The following UEVLD variants were observed in gnomAD, a reference collection of about 807,000 sequenced individuals.
UEVLD encodes the protein UEV and lactate/malate dehyrogenase domains, also known as ubiquitin-conjugating enzyme E2 variant 3.
Under a neutral mutation model 58.6 loss-of-function variants are expected in UEVLD, and 47 were observed. The ratio of observed to expected loss-of-function variants is 0.80; its 90% CI spans 0.63 to 1.02. The LOEUF (loss-of-function observed/expected upper bound fraction) is 1.02. UEVLD is among the 50% of genes least tolerant of loss of function. The pLI, the probability that UEVLD is intolerant of heterozygous loss-of-function variation, is 0.00. For synonymous variants in UEVLD, 197 were observed against 195.3 expected, an observed-to-expected ratio of 1.01 and a Z score of -0.07; for missense variants, 510 against 550.6, an observed-to-expected ratio of 0.93 and a Z score of 0.74.
At chr11:18,541,714 A>G (rs1051762026) in intron 9 of UEVLD, among the ~76,000 whole-genome samples, 5 of 152,204 alleles carry the variant, frequency 3.3e-5, no homozygotes, top group Non-Finnish European at 7.3e-5. Context: ...TGTGATCAGG[A>G]AAAAACCTTT....
At chr11:18,575,591 G>GAC (rs1852866448) in intron 2 of UEVLD, among the ~76,000 whole-genome samples, 179 bp from the exon 3 acceptor site, 1 of 152,154 alleles carries the variant, frequency 6.6e-6, no homozygotes, top group Non-Finnish European at 1.5e-5. Flanking sequence ...ACTAGATGTT[G>GAC]TTTACTTAGA....
At chr11:18,540,853 A>G (rs1160426622) in intron 9 of UEVLD, among the ~76,000 whole-genome samples, 1 of 152,214 alleles carries the variant, frequency 6.6e-6, no homozygotes, top group African/African-American at 2.4e-5. Flanking sequence ...AGTTTCCTAA[A>G]GACAGGGTCA....
intron 11 of UEVLD, among the ~76,000 whole-genome samples, chr11:18,533,604 A>C (rs944416126): frequency 2.0e-5 from 3 of 151,834 alleles, no homozygotes; most frequent in Admixed American, 1.3e-4. Flanking sequence ...AAATGACAGT[A>C]AGAAGAAATT....
intron 3 of UEVLD, among the ~76,000 whole-genome samples, chr11:18,570,939 CAAAA>C (rs34951254): frequency 7.3e-6 from 1 of 137,602 alleles, no homozygotes. Flanking sequence ...CCCTGCCTCT[CAAAA>C]AAAAAAAAAA....
At chr11:18,562,339 C>T (rs1420123329) in intron 6 of UEVLD, among the ~76,000 whole-genome samples, 1 of 151,358 alleles carries the variant, frequency 6.6e-6, no homozygotes, top group Non-Finnish European at 1.5e-5. Flanking sequence ...GTCAAGAGCT[C>T]GAGACCAGCC....
At chr11:18,562,233 A>G (rs979226371) in intron 6 of UEVLD, among the ~76,000 whole-genome samples, 1 of 152,038 alleles carries the variant, frequency 6.6e-6, no homozygotes, top group African/African-American at 2.4e-5. Context: ...GTGCACCACC[A>G]CACCTAGCTA....
intron 9 of UEVLD, among the ~76,000 whole-genome samples, chr11:18,540,738 G>A (rs1381035358): frequency 6.6e-6 from 1 of 152,086 alleles, no homozygotes; most frequent in African/African-American, 2.4e-5. Context: ...TCCAATTTGA[G>A]ACCTCAAGAC....
intron 7 of UEVLD, among the ~76,000 whole-genome samples, chr11:18,555,212 G>C (rs941109608): frequency 1.3e-5 from 2 of 151,998 alleles, no homozygotes; most frequent in African/African-American, 4.8e-5. Flanking sequence ...GGATCACGAG[G>C]TCAGGAGATC....
intron 11 of UEVLD, among the ~76,000 whole-genome samples, chr11:18,533,028 T>G (rs972025565): frequency 2.6e-5 from 4 of 151,768 alleles, no homozygotes; most frequent in South Asian, 2.1e-4. Flanking sequence ...TTCCAAATGG[T>G]CTCTTCTGGC....
Position 18,558,339 on chromosome 11 carries a change from TA to T in UEVLD, c.613-10del. 6.4e-7 allele frequency: 1 copy of T among 1,574,376 alleles called. No individual in the cohort carries two copies. Among genetic ancestry groups the T allele is most frequent in the Non-Finnish European group, 8.7e-7 (1 of 1,154,528 alleles). ...AGCCTGTCTGCAATACCCTGTACAGTAAGAGAAAGAACATTACACTGAACAT... is the reference window on the plus strand; with the variant it reads ...AGCCTGTCTGCAATACCCTGTACAGTAGAGAAAGAACATTACACTGAACAT... On this transcript the variant is annotated splice_polypyrimidine_tract_variant and intron_variant, in intron 6 of 11. Transcript: ENST00000396197.
chr11:18,579,421 C>T (rs1853116213), intron 1 of UEVLD: 1 of 984,856 alleles, frequency 1.0e-6, no homozygotes, highest in African/African-American at 1.7e-5. Flanking sequence ...AAACTGCCTC[C>T]AAATACCTCC....
intron 9 of UEVLD, among the ~76,000 whole-genome samples, chr11:18,537,332 T>A (rs1212420185): frequency 5.0e-4 from 70 of 141,018 alleles, no homozygotes; most frequent in African/African-American, 1.8e-3. Flanking sequence ...ATATTTTTTT[T>A]TTTTTTTCTT....
chr11:18,542,890 C>CTTTTCTTT (rs1288736148), intron 9 of UEVLD, among the ~76,000 whole-genome samples: 5 of 125,902 alleles, frequency 4.0e-5, no homozygotes, highest in African/African-American at 1.1e-4. Context: ...CTTTTCTTTT[C>CTTTTCTTT]TTTTTTTTTT....
At chr11:18,558,096 A>G (rs996770842) in intron 7 of UEVLD, 132 bp downstream of exon 7, 11 of 565,140 alleles carry the variant, frequency 1.9e-5, no homozygotes, top group Non-Finnish European at 2.7e-5. Context: ...ACTTATTTCA[A>G]TCTTAGTTTC....
chr11:18,545,074 A>ATATTTTTTTT (rs1345787784), intron 8 of UEVLD, among the ~76,000 whole-genome samples: 1 of 84,572 alleles, frequency 1.2e-5, no homozygotes. Flanking sequence ...CTATATCTAT[A>ATATTTTTTTT]TTTTTTTTTT....
Position 18,570,355 on chromosome 11 carries a change from A to T in UEVLD, c.216T>A (p.Ile72=), listed in dbSNP as rs373728503. 6.4e-7 allele frequency: 1 copy of T among 1,569,410 alleles called. No homozygotes were observed. The change falls in exon 4 of 12, where the codon ATT becomes ATA. Residue 72 remains isoleucine, a synonymous_variant. Coordinates refer to ENST00000396197, the MANE Select transcript of UEVLD (RefSeq NM_001040697.4). ...MYQGNTYNIP[I]RFWILDSHPF... ...GGTGAGAATCCAAAATCCAGAAACG[A>T]ATTGGTATGTTATATGTATTACCTA...
At chr11:18,540,346 T>C (rs552533249) in intron 9 of UEVLD, among the ~76,000 whole-genome samples, 2 of 152,348 alleles carry the variant, frequency 1.3e-5, no homozygotes, top group South Asian at 2.1e-4. Context: ...AAAATAATTA[T>C]AATTGCAGTT....
chr11:18,575,112 C>T (rs958259115), intron 3 of UEVLD, among the ~76,000 whole-genome samples: 13 of 151,970 alleles, frequency 8.6e-5, no homozygotes, highest in African/African-American at 2.2e-4. Context: ...TTTAAGAGAT[C>T]GAAGTTACGC....
chr11:18,543,178 A>C (rs768702971), intron 9 of UEVLD, among the ~76,000 whole-genome samples: 1 of 152,164 alleles, frequency 6.6e-6, no homozygotes, highest in Non-Finnish European at 1.5e-5. Flanking sequence ...GGCGTGAGCC[A>C]CCACACCCAG....
Sources: gnomAD v4.1 joint callset for allele counts (sites outside exome capture counted in the v4.1 genomes callset) on GRCh38, gnomAD v4.1.1 for gene constraint, MANE v1.5 for transcripts, NCBI Gene and HGNC (gene_info 2026-07-23, HGNC 2026-07-21) for gene names.